The following KLF17 variants were observed in gnomAD, a reference collection of about 807,000 sequenced individuals.
KLF17 encodes the protein KLF transcription factor 17.
In KLF17, 31 loss-of-function variants were observed where a neutral mutation model predicts 34.2. That is an observed-to-expected ratio of 0.91 (90% CI 0.68 to 1.22). The LOEUF is 1.22. Ranked by LOEUF, KLF17 falls within the 50% of genes most tolerant of loss-of-function variation. The pLI is 0.00. For synonymous variants in KLF17, 179 were observed against 186.7 expected (o/e 0.96, Z 0.34); for missense variants, 478 against 505.2 (o/e 0.95, Z 0.52).
At chr1:44,054,496 T>G in the KLF17 span, among the ~76,000 whole-genome samples, 1 of 149,456 alleles carries the variant, frequency 6.7e-6, no homozygotes, top group East Asian at 2.0e-4. Context: ...TTTTTTTTTT[T>G]TTGAGACAGA....
chr1:44,128,968 C>T (rs139922141), intron 1 of KLF17, among the ~76,000 whole-genome samples: 1,628 of 151,996 alleles, frequency 0.011, 16 homozygotes, highest in South Asian at 0.025. Flanking sequence ...GCCAAGATCA[C>T]GCCATTGCAC....
the KLF17 span, among the ~76,000 whole-genome samples, chr1:44,052,771 C>T: frequency 2.6e-5 from 4 of 152,214 alleles, no homozygotes; most frequent in Non-Finnish European, 5.9e-5. Context: ...AAGGACTTGA[C>T]GTGAGGGTGT....
In KLF17 at chr1:44,135,123, A is replaced by C. The variant is rs1489028673; in HGVS notation, c.*1886A>C. On this transcript the variant is annotated 3_prime_UTR_variant, in exon 4 of 4. Coordinates refer to ENST00000372299, the MANE Select transcript of KLF17 (RefSeq NM_173484.4). ...CAGTGTGACCTTGTCTCTGTAAAAA[A>C]TAAAATTAAAAGAAAAAGAAGGGAA... is the stretch of plus-strand genomic sequence containing the variant. The C allele has an allele frequency of 6.6e-6, 1 of 152,188 alleles. No homozygotes were observed. Among genetic ancestry groups the C allele is most frequent in the Non-Finnish European group, 1.5e-5 (1 of 68,032 alleles). 9.4% of individuals were successfully genotyped at this position (152,188 alleles called of 1,614,324 possible). A position where few individuals can be genotyped will look rare whatever the true frequency, so the allele number is the denominator to read the frequency against.
At chr1:44,106,349 TTC>T in the KLF17 span, 1 of 152,560 alleles carries the variant, frequency 6.6e-6, no homozygotes, top group Non-Finnish European at 1.5e-5. Context: ...CTATCTTCAT[TTC>T]TGTCTGTTTT....
the KLF17 span, chr1:44,110,261 T>G: frequency 6.6e-6 from 1 of 152,196 alleles, no homozygotes; most frequent in Non-Finnish European, 1.5e-5. Context: ...ACCCAAAGGT[T>G]AAGCCACTCC....
At chr1:44,045,010 G>A in the KLF17 span, 1 of 152,140 alleles carries the variant, frequency 6.6e-6, no homozygotes, top group African/African-American at 2.4e-5. Flanking sequence ...TCCCTGTTTC[G>A]GTGGAGCACT....
chr1:44,049,232 G>A, the KLF17 span, among the ~76,000 whole-genome samples: 4 of 152,044 alleles, frequency 2.6e-5, no homozygotes, highest in South Asian at 2.1e-4. Context: ...CCTCATCACC[G>A]CATCTAAACC....
the KLF17 span, among the ~76,000 whole-genome samples, chr1:44,100,736 ACCTCTG>A: frequency 2.0e-5 from 3 of 151,844 alleles, no homozygotes; most frequent in African/African-American, 7.3e-5. Flanking sequence ...ACTCACTGCA[ACCTCTG>A]CCTCCTGGGT....
At chr1:44,109,638 A>C in the KLF17 span, among the ~76,000 whole-genome samples, 1 of 152,102 alleles carries the variant, frequency 6.6e-6, no homozygotes, top group Non-Finnish European at 1.5e-5. Flanking sequence ...CTTATGGAGA[A>C]AATAATCTGT....
chr1:44,047,421 T>A, the KLF17 span, among the ~76,000 whole-genome samples: 1 of 152,004 alleles, frequency 6.6e-6, no homozygotes, highest in South Asian at 2.1e-4. Flanking sequence ...GGACAGATGG[T>A]GGGAACCAGA....
At chr1:44,091,672 AAAAG>A in the KLF17 span, among the ~76,000 whole-genome samples, 1 of 151,424 alleles carries the variant, frequency 6.6e-6, no homozygotes, top group African/African-American at 2.4e-5. Context: ...CAAGAAAAGA[AAAAG>A]AAAGCTCCAT....
At chr1:44,061,470 A>G in the KLF17 span, among the ~76,000 whole-genome samples, 1 of 152,182 alleles carries the variant, frequency 6.6e-6, no homozygotes, top group Non-Finnish European at 1.5e-5. Context: ...CCTCTCCCTA[A>G]GACATGCCCA....
the KLF17 span, chr1:44,048,216 G>A: frequency 2.0e-5 from 3 of 152,194 alleles, no homozygotes. Context: ...GATTCTTTTG[G>A]AGTAGACTAA....
chr1:44,129,505 G>C lies in KLF17; in HGVS notation c.234G>C (p.Pro78=). ...CCCCTTTGGTGTCTGTTGAGGCGCC[G>C]GGGCAGAATGTGAATGAAGGGGGGC... ...LGSPLVSVEA[P]GQNVNEGGPQ... Residue 78 remains proline, a synonymous_variant, in exon 2 of 4, where the codon CCG becomes CCC. Transcript: ENST00000372299. 6.2e-7 allele frequency: 1 copy of C among 1,612,686 alleles called. No homozygotes were observed. Among genetic ancestry groups the C allele is most frequent in the Non-Finnish European group, 8.5e-7 (1 of 1,179,202 alleles).
the KLF17 span, among the ~76,000 whole-genome samples, chr1:44,084,975 C>T: frequency 6.7e-6 from 1 of 149,374 alleles, no homozygotes; most frequent in Non-Finnish European, 1.5e-5. Context: ...TAGAAACAAC[C>T]TAAATATTTA....
At chr1:44,124,333 TC>T (rs1367818742) in intron 1 of KLF17, among the ~76,000 whole-genome samples, 5 of 151,130 alleles carry the variant, frequency 3.3e-5, no homozygotes, top group Admixed American at 2.0e-4. Flanking sequence ...TTGTATATAT[TC>T]TTTTTTTTTT....
the KLF17 span, among the ~76,000 whole-genome samples, chr1:44,093,951 C>G: frequency 2.0e-5 from 3 of 152,188 alleles, no homozygotes; most frequent in Non-Finnish European, 4.4e-5. Context: ...AAATGGAAGA[C>G]AGAGAAGAAA....
chr1:44,091,534 T>A, the KLF17 span, among the ~76,000 whole-genome samples: 1 of 149,238 alleles, frequency 6.7e-6, no homozygotes, highest in Non-Finnish European at 1.5e-5. Context: ...CACGCACCTG[T>A]AATCCCAGCT....
At chr1:44,108,394 G>T in the KLF17 span, among the ~76,000 whole-genome samples, 5 of 152,102 alleles carry the variant, frequency 3.3e-5, no homozygotes, top group Non-Finnish European at 2.9e-5. Flanking sequence ...TTCAGTTTCT[G>T]GTTATTGGCT....
Sources: allele counts gnomAD v4.1 joint callset (sites outside exome capture counted in the v4.1 genomes callset), GRCh38; gene constraint gnomAD v4.1.1; transcripts MANE v1.5; gene names NCBI Gene and HGNC (gene_info 2026-07-23, HGNC 2026-07-21).